Variants in FAR1 observed in about 807,000 individuals in gnomAD.
FAR1 encodes the protein male sterility domain-containing protein 2.
In FAR1, 22 loss-of-function variants were observed where a neutral mutation model predicts 61.1. The ratio of observed to expected loss-of-function variants is 0.36; its 90% CI spans 0.26 to 0.51. The LOEUF is 0.51. Among genes scored for constraint, FAR1 ranks in the 20% least tolerant of loss-of-function variants. The pLI, the probability that FAR1 is intolerant of heterozygous loss-of-function variation, is 0.95. For synonymous variants in FAR1, 206 were observed against 209.7 expected (o/e 0.98, Z 0.15); for missense variants, 359 against 626.9 (o/e 0.57, Z 4.56).
chr11:13,714,718 T>TA (rs772928609), intron 9 of FAR1, 38 bp downstream of exon 9: 23 of 1,557,406 alleles, frequency 1.5e-5, no homozygotes, highest in Non-Finnish European at 2.0e-5. Context: ...GTTCCTCTGT[T>TA]AAACAACCCA....
chr11:13,715,150 G>A (rs1043775726), intron 9 of FAR1, among the ~76,000 whole-genome samples: 1 of 152,146 alleles, frequency 6.6e-6, no homozygotes, highest in Non-Finnish European at 1.5e-5. Context: ...ACCGCGGTAA[G>A]AAGAATAGCA....
At position 13,714,638 on chromosome 11, in the gene FAR1, T is replaced by G; in HGVS notation, c.1085T>G (p.Phe362Cys). 1 of 1,613,244 alleles carries G rather than the reference T, an allele frequency of 6.2e-7. No individual in the cohort carries two copies. Among genetic ancestry groups the G allele is most frequent in the Non-Finnish European group, 8.5e-7 (1 of 1,179,536 alleles). The change falls in exon 9 of 12, where the codon TTC becomes TGC. Residue 362 changes from phenylalanine (F) to cysteine (C), a missense_variant. By Grantham distance (205) the Phe-to-Cys change is radical. Coordinates refer to ENST00000354817, the MANE Select transcript of FAR1 (RefSeq NM_032228.6). ...GCTGTAAGCCATAAGGCCCCAGCAT[T>G]CCTGTATGATATCTACCTCAGGATG... ...WIAVSHKAPA[F>C]LYDIYLRMTG...
intron 3 of FAR1, 93 bp from the exon 4 acceptor site, chr11:13,707,807 T>A: frequency 3.3e-6 from 3 of 899,610 alleles, no homozygotes; most frequent in Non-Finnish European, 3.0e-6. Flanking sequence ...AAAATTTCTC[T>A]GTCTCTCTAC....
intron 1 of FAR1, among the ~76,000 whole-genome samples, chr11:13,676,060 C>G (rs1378431432): frequency 6.6e-6 from 1 of 152,104 alleles, no homozygotes; most frequent in African/African-American, 2.4e-5. Context: ...ATAATTTATT[C>G]TTTAATGTGT....
At chr11:13,724,662 CATA>C (rs752275382) in intron 10 of FAR1, among the ~76,000 whole-genome samples, 6 of 150,684 alleles carry the variant, frequency 4.0e-5, no homozygotes, top group Non-Finnish European at 8.9e-5. Flanking sequence ...TTTTTATTTT[CATA>C]ATGTTTTATT....
intron 1 of FAR1, among the ~76,000 whole-genome samples, chr11:13,693,191 G>A (rs1848271282): frequency 6.6e-6 from 1 of 152,060 alleles, no homozygotes; most frequent in Non-Finnish European, 1.5e-5. Flanking sequence ...CAGCTAATGA[G>A]CTTAAAAAAA....
intron 1 of FAR1, among the ~76,000 whole-genome samples, chr11:13,680,010 A>T (rs1327177738): frequency 6.6e-6 from 1 of 152,224 alleles, no homozygotes; most frequent in Non-Finnish European, 1.5e-5. Context: ...GTAGGCAAAC[A>T]AAGTGGCCAT....
At chr11:13,677,772 A>T (rs546378695) in intron 1 of FAR1, among the ~76,000 whole-genome samples, 1 of 152,346 alleles carries the variant, frequency 6.6e-6, no homozygotes, top group Admixed American at 6.5e-5. Flanking sequence ...ATGGAATAAT[A>T]ACACTTGTCA....
chr11:13,678,440 A>G (rs991445671), intron 1 of FAR1, among the ~76,000 whole-genome samples: 3 of 151,750 alleles, frequency 2.0e-5, no homozygotes, highest in African/African-American at 7.3e-5. Flanking sequence ...AATTTTTTGT[A>G]TTTTTAGTAG....
At chr11:13,719,617 C>T (rs942201994) in intron 9 of FAR1, among the ~76,000 whole-genome samples, 1 of 152,146 alleles carries the variant, frequency 6.6e-6, no homozygotes. Context: ...ATAACTTTAT[C>T]TAGCTTAACT....
chr11:13,701,729 C>T (rs1044548623), intron 3 of FAR1, among the ~76,000 whole-genome samples: 3 of 151,986 alleles, frequency 2.0e-5, no homozygotes, highest in Admixed American at 6.6e-5. Flanking sequence ...TTCCTTAGAT[C>T]TCTGCAGTAG....
At position 13,676,561 on chromosome 11, in the gene FAR1, C is replaced by T. The variant is rs556922067; in HGVS notation, c.-8+7755C>T. ...ACAAAGGATTGATTCTCAGTGGAGC[C>T]CTGAGATACAAGTGCTCATAGTTCA... is the stretch of plus-strand genomic sequence containing the variant. On this transcript the variant is annotated intron_variant, in intron 1 of 11. Transcript: ENST00000354817. Among the ~76,000 whole-genome samples the T allele has an allele frequency of 5.3e-5, 8 of 151,992 alleles. 1 individual carries two copies. The South Asian group carries it at 1.7e-3, about 32-fold the overall frequency.
chr11:13,690,267 T>A (rs1848235005), intron 1 of FAR1, among the ~76,000 whole-genome samples: 1 of 152,162 alleles, frequency 6.6e-6, no homozygotes, highest in Non-Finnish European at 1.5e-5. Context: ...TCTCATTGAT[T>A]TGGAATTTAC....
intron 1 of FAR1, among the ~76,000 whole-genome samples, chr11:13,694,392 C>T (rs937455214): frequency 3.3e-5 from 5 of 152,084 alleles, no homozygotes; most frequent in Non-Finnish European, 7.4e-5. Context: ...CCTTTGGAGT[C>T]AGAGAAACCA....
At chr11:13,671,827 A>G (rs1327862851) in intron 1 of FAR1, among the ~76,000 whole-genome samples, 2 of 152,206 alleles carry the variant, frequency 1.3e-5, no homozygotes, top group Non-Finnish European at 2.9e-5. Flanking sequence ...CAGGCACTGT[A>G]GTAAGTGCTG....
At chr11:13,688,833 TA>T (rs1366590611) in intron 1 of FAR1, among the ~76,000 whole-genome samples, 3 of 152,172 alleles carry the variant, frequency 2.0e-5, no homozygotes, top group African/African-American at 7.2e-5. Context: ...TTTATTTATT[TA>T]TTTTTTTTAA....
intron 1 of FAR1, among the ~76,000 whole-genome samples, chr11:13,675,656 C>T (rs1848060016): frequency 6.6e-6 from 1 of 152,154 alleles, no homozygotes; most frequent in African/African-American, 2.4e-5. Context: ...CTTAATACCA[C>T]ATGTATTAAT....
intron 1 of FAR1, among the ~76,000 whole-genome samples, chr11:13,674,447 C>T (rs1427448223): frequency 1.3e-5 from 2 of 152,090 alleles, no homozygotes; most frequent in Non-Finnish European, 2.9e-5. Flanking sequence ...CTTTAGTTTC[C>T]TCATCTGTAA....
At chr11:13,687,607 C>T (rs1257076209) in intron 1 of FAR1, among the ~76,000 whole-genome samples, 1 of 152,172 alleles carries the variant, frequency 6.6e-6, no homozygotes, top group Non-Finnish European at 1.5e-5. Context: ...AAAGAACTCT[C>T]ATTTTTATTG....
Sources: allele counts gnomAD v4.1 joint callset (sites outside exome capture counted in the v4.1 genomes callset), GRCh38; gene constraint gnomAD v4.1.1; transcripts MANE v1.5; gene names NCBI Gene and HGNC (gene_info 2026-07-23, HGNC 2026-07-21).